The following RBMS3 variants were observed in gnomAD, a reference collection of about 807,000 sequenced individuals.
The protein encoded by RBMS3 is RNA binding motif single stranded interacting protein 3.
RBMS3 carries 27 observed loss-of-function variants against 66.8 expected under a neutral mutation model. The observed-to-expected ratio is 0.40, with a 90% CI of 0.30 to 0.56. RBMS3 has a LOEUF of 0.56. Among genes scored for constraint, RBMS3 ranks in the 20% least tolerant of loss-of-function variants. RBMS3 has a pLI of 0.40. For missense variants in RBMS3, 513 were observed against 549.5 expected, an observed-to-expected ratio of 0.93 and a Z score of 0.66; for synonymous variants, 188 against 183.0, an observed-to-expected ratio of 1.03 and a Z score of -0.22.
chr3:29,991,282 G>A (rs1698861243), intron 14 of RBMS3, 73 bp downstream of exon 14: 2 of 1,594,870 alleles, frequency 1.3e-6, no homozygotes, highest in East Asian at 2.3e-5. Context: ...TGTTGTATGT[G>A]TTAGCTTTTG....
At chr3:29,804,832 A>T (rs1007527452) in intron 6 of RBMS3, among the ~76,000 whole-genome samples, 4 of 152,028 alleles carry the variant, frequency 2.6e-5, no homozygotes, top group Non-Finnish European at 4.4e-5. Context: ...TGATGTATAA[A>T]TAAAGATACT....
At chr3:29,957,427 G>A (rs534533951) in intron 12 of RBMS3, among the ~76,000 whole-genome samples, 1 of 152,190 alleles carries the variant, frequency 6.6e-6, no homozygotes, top group East Asian at 1.9e-4. Context: ...GATTAAAATA[G>A]CAAGAGGAAA....
chr3:29,699,836 G>A (rs2052469363), intron 4 of RBMS3, among the ~76,000 whole-genome samples: 2 of 152,162 alleles, frequency 1.3e-5, no homozygotes, highest in Non-Finnish European at 2.9e-5. Context: ...TTACCTGTCT[G>A]TGTAACCTCC....
At chr3:29,710,079 T>C (rs73829318) in intron 4 of RBMS3, among the ~76,000 whole-genome samples, 12,018 of 152,264 alleles carry the variant, frequency 0.079, 1,592 homozygotes, top group African/African-American at 0.27. Context: ...TGGCATTACC[T>C]GTTCAAACTT....
chr3:29,729,452 G>A (rs1359816778), intron 4 of RBMS3, among the ~76,000 whole-genome samples: 4 of 151,984 alleles, frequency 2.6e-5, no homozygotes, highest in East Asian at 3.9e-4. Context: ...AAACATACGC[G>A]TGCATGTGTC....
chr3:29,768,301 G>T (rs1027302875), intron 6 of RBMS3, among the ~76,000 whole-genome samples: 1 of 151,884 alleles, frequency 6.6e-6, no homozygotes, highest in African/African-American at 2.4e-5. Context: ...AATTTGATAT[G>T]GTCAATCAGT....
chr3:29,934,621 TCAAA>T (rs2061218383), intron 10 of RBMS3, among the ~76,000 whole-genome samples: 1 of 152,122 alleles, frequency 6.6e-6, no homozygotes, highest in Admixed American at 6.6e-5. Context: ...ATCGAGAAAT[TCAAA>T]CAACACAAAT....
At chr3:29,293,635 T>C (rs1243431254) in intron 1 of RBMS3, among the ~76,000 whole-genome samples, 2 of 151,822 alleles carry the variant, frequency 1.3e-5, no homozygotes, top group South Asian at 2.1e-4. Context: ...TTAGGATGGC[T>C]GTCTGATGCA....
At chr3:29,596,070 C>T (rs1421444401) in intron 4 of RBMS3, among the ~76,000 whole-genome samples, 7 of 152,182 alleles carry the variant, frequency 4.6e-5, no homozygotes, top group Non-Finnish European at 5.9e-5. Flanking sequence ...AGGAGTGTTA[C>T]ACCACTATCT....
At chr3:29,721,656 TG>T (rs2053649557) in intron 4 of RBMS3, among the ~76,000 whole-genome samples, 1 of 152,172 alleles carries the variant, frequency 6.6e-6, no homozygotes, top group African/African-American at 2.4e-5. Flanking sequence ...TGGATGAGGT[TG>T]TAAACTCACA....
At chr3:29,335,864 C>T (rs2125524689) in intron 1 of RBMS3, among the ~76,000 whole-genome samples, 1 of 152,180 alleles carries the variant, frequency 6.6e-6, no homozygotes, top group South Asian at 2.1e-4. Context: ...TCCTCACTTC[C>T]TGCCTCCCTC....
intron 6 of RBMS3, among the ~76,000 whole-genome samples, chr3:29,841,011 G>A (rs1418213780): frequency 2.0e-5 from 3 of 151,872 alleles, no homozygotes; most frequent in African/African-American, 4.8e-5. Flanking sequence ...AAAATACTAG[G>A]AAAGTATAAA....
chr3:29,395,979 T>G (rs1276154233), intron 1 of RBMS3, among the ~76,000 whole-genome samples: 1 of 152,186 alleles, frequency 6.6e-6, no homozygotes, highest in Non-Finnish European at 1.5e-5. Flanking sequence ...ATTTGCATAG[T>G]TTTGAGGCAT....
intron 1 of RBMS3, among the ~76,000 whole-genome samples, chr3:29,306,202 C>T (rs1443275147): frequency 6.6e-6 from 1 of 151,920 alleles, no homozygotes; most frequent in Non-Finnish European, 1.5e-5. Context: ...ACTAATCTCC[C>T]ATTGGATATG....
At chr3:29,335,092 C>G (rs961339743) in intron 1 of RBMS3, among the ~76,000 whole-genome samples, 10 of 150,642 alleles carry the variant, frequency 6.6e-5, no homozygotes, top group African/African-American at 2.4e-4. Flanking sequence ...GAAAATGAAG[C>G]CTGCTTCTCA....
At chr3:29,766,706 C>G (rs1057060859) in intron 6 of RBMS3, 35 of 151,832 alleles carry the variant, frequency 2.3e-4, no homozygotes, top group African/African-American at 8.5e-4. Context: ...AATGTTATCC[C>G]CAGATTTTGG....
chr3:29,358,660 G>T (rs1241095326), intron 1 of RBMS3, among the ~76,000 whole-genome samples: 1 of 152,118 alleles, frequency 6.6e-6, no homozygotes, highest in Non-Finnish European at 1.5e-5. Flanking sequence ...TCATGATATT[G>T]ATTCTTCCTA....
intron 1 of RBMS3, among the ~76,000 whole-genome samples, chr3:29,397,871 A>G (rs543942636): frequency 6.6e-6 from 1 of 152,232 alleles, no homozygotes; most frequent in East Asian, 1.9e-4. Context: ...TTTAGCCACA[A>G]GTGAGCTGCA....
chr3:29,789,771 C>T (rs923418816), intron 6 of RBMS3, among the ~76,000 whole-genome samples: 2 of 152,082 alleles, frequency 1.3e-5, no homozygotes, highest in African/African-American at 2.4e-5. Context: ...CATATATGGG[C>T]ATTTTATGAT....
Sources: allele counts gnomAD v4.1 joint callset (sites outside exome capture counted in the v4.1 genomes callset), GRCh38; gene constraint gnomAD v4.1.1; transcripts MANE v1.5; gene names NCBI Gene and HGNC (gene_info 2026-07-23, HGNC 2026-07-21).